The following INTU variants were observed in gnomAD, a reference collection of about 807,000 sequenced individuals.
INTU encodes the protein protein inturned.
Under a neutral mutation model 100.5 loss-of-function variants are expected in INTU, and 68 were observed. The observed-to-expected ratio is 0.68, with a 90% CI of 0.56 to 0.83. The LOEUF is 0.83. INTU is among the 40% of genes least tolerant of loss of function. The pLI is 0.00. For synonymous variants in INTU, 357 were observed against 395.7 expected, an observed-to-expected ratio of 0.90 and a Z score of 1.16; for missense variants, 1,071 against 1,114.7, an observed-to-expected ratio of 0.96 and a Z score of 0.56.
At chr4:127,655,534 CG>C (rs1374289972) in intron 2 of INTU, among the ~76,000 whole-genome samples, 1 of 151,520 alleles carries the variant, frequency 6.6e-6, no homozygotes, top group Non-Finnish European at 1.5e-5. Flanking sequence ...TTAGGCTGCT[CG>C]GGGGTCAGGG....
chr4:127,675,522 C>T (rs1729134541), intron 6 of INTU, among the ~76,000 whole-genome samples: 1 of 152,106 alleles, frequency 6.6e-6, no homozygotes. Flanking sequence ...AAATAGTAAA[C>T]ATTTATTAAC....
At position 127,722,100 on chromosome 4, in the gene INTU, A is replaced by G. The variant is rs1731354104; in HGVS notation, c.*5664A>G. 2 of 151,948 alleles carry G rather than the reference A, an allele frequency of 1.3e-5. No homozygotes were observed. Among genetic ancestry groups the G allele is most frequent in the South Asian group, 2.1e-4 (1 of 4,816 alleles). 9.4% of individuals were successfully genotyped at this position (151,948 alleles called of 1,614,324 possible). The stretch of plus-strand genomic sequence containing the variant: ...CTTTCTCATCTTCATGGGTTTATCT[A>G]CCTTTGATCTTTGAGTCTGCTGACT... On this transcript the variant is annotated 3_prime_UTR_variant, in exon 16 of 16. Transcript: ENST00000335251.
At chr4:127,683,004 C>T (rs17012567) in intron 6 of INTU, among the ~76,000 whole-genome samples, 5,732 of 152,174 alleles carry the variant, frequency 0.038, 369 homozygotes, top group African/African-American at 0.13. Flanking sequence ...CAACCACACT[C>T]TGATGACACC....
chr4:127,685,238 A>G (rs894782716), intron 7 of INTU, among the ~76,000 whole-genome samples: 2 of 152,052 alleles, frequency 1.3e-5, no homozygotes, highest in Non-Finnish European at 2.9e-5. Flanking sequence ...AACATTTAAC[A>G]TAAAATTGGG....
chr4:127,684,078 C>T (rs1729705707), intron 6 of INTU, among the ~76,000 whole-genome samples: 2 of 152,116 alleles, frequency 1.3e-5, no homozygotes, highest in South Asian at 4.2e-4. Flanking sequence ...AGTTTATTTG[C>T]ATTAATTTCA....
At chr4:127,668,970 G>A in intron 4 of INTU, 66 bp from the exon 5 acceptor site, 1 of 684,612 alleles carries the variant, frequency 1.5e-6, no homozygotes, top group Non-Finnish European at 2.5e-6. Context: ...CACAAAGTTT[G>A]AACTTGCCCT....
chr4:127,678,823 C>T (rs1166278390), intron 6 of INTU, among the ~76,000 whole-genome samples: 1 of 152,060 alleles, frequency 6.6e-6, no homozygotes, highest in Non-Finnish European at 1.5e-5. Flanking sequence ...GATAAAGAGT[C>T]AAGACCCATC....
chr4:127,693,105 G>A (rs1460121171), intron 8 of INTU, among the ~76,000 whole-genome samples: 5 of 151,952 alleles, frequency 3.3e-5, no homozygotes. Context: ...GGTTTTTCTA[G>A]TTATGTGAAG....
At chr4:127,714,807 C>T (rs1170385256) in intron 15 of INTU, among the ~76,000 whole-genome samples, 2 of 151,982 alleles carry the variant, frequency 1.3e-5, no homozygotes, top group Non-Finnish European at 1.5e-5. Context: ...CTGGCACCTG[C>T]AACAGTACCT....
intron 4 of INTU, among the ~76,000 whole-genome samples, chr4:127,667,949 G>A (rs1449095749): frequency 6.6e-6 from 1 of 151,904 alleles, no homozygotes; most frequent in African/African-American, 2.4e-5. Context: ...ATTGTATAGC[G>A]AGACCGCAGC....
In INTU at chr4:127,726,062, A is replaced by G. The variant is rs1731412533; in HGVS notation, c.*9626A>G. On this transcript the variant is annotated 3_prime_UTR_variant, in exon 16 of 16. Coordinates refer to ENST00000335251, the MANE Select transcript of INTU (RefSeq NM_015693.4). ...AACAACTATTAATGTGAAAAACTAT[A>G]TATAGCTAGCATTTTTTAAAATATC... 6.6e-6 allele frequency: 1 copy of G among 152,208 alleles called. No individual in the cohort carries two copies. Among genetic ancestry groups the G allele is most frequent in the East Asian group, 1.9e-4 (1 of 5,204 alleles). The allele number at this position is 152,208 out of a possible 1,614,324, so 9.4% of individuals were successfully genotyped here.
chr4:127,712,895 A>C (rs928771126), intron 14 of INTU, among the ~76,000 whole-genome samples: 25 of 152,206 alleles, frequency 1.6e-4, no homozygotes, highest in African/African-American at 5.8e-4. Flanking sequence ...CAAGGGATCT[A>C]GGTTGCCCAC....
chr4:127,712,128 G>T (rs1038625342), intron 14 of INTU, among the ~76,000 whole-genome samples: 1 of 152,098 alleles, frequency 6.6e-6, no homozygotes, highest in African/African-American at 2.4e-5. Context: ...GAAGAACTTG[G>T]GTTTAAAAGT....
Position 127,724,999 on chromosome 4 carries a change from C to A in INTU, c.*8563C>A, listed in dbSNP as rs1490974561. On this transcript the variant is annotated 3_prime_UTR_variant, in exon 16 of 16. Transcript: ENST00000335251. ...GTTCTTGAAATGCTACAGAAAATAGCTTGAGGCCAGGCACAGTTGCTCACA... is the reference window on the plus strand; with the variant it reads ...GTTCTTGAAATGCTACAGAAAATAGATTGAGGCCAGGCACAGTTGCTCACA... 2.6e-5 allele frequency: 4 copies of A among 151,850 alleles called. No individual in the cohort carries two copies. The highest frequency in any genetic ancestry group is 9.7e-5 in the African/African-American group (4 of 41,310). The allele number at this position is 151,850 out of a possible 1,614,324, so 9.4% of individuals were successfully genotyped here. A position where few individuals can be genotyped will look rare whatever the true frequency, so the allele number is the denominator to read the frequency against.
In INTU at chr4:127,687,703, C is replaced by G. The variant is rs780133193; in HGVS notation, c.1285C>G (p.Pro429Ala). The G allele has an allele frequency of 1.2e-6, 2 of 1,612,002 alleles. No homozygotes were observed. The highest frequency in any genetic ancestry group is 1.7e-6 in the Non-Finnish European group (2 of 1,178,536). ...DSAFCQIENV[P>A]RLDHFFNLFF... ...TGCCTTTTGCCAGATTGAGAATGTT[C>G]CTCGTTTGGATCATTTTTTTAACTT... The change falls in exon 8 of 16, where the codon CCT (proline) becomes GCT (alanine). Residue 429 changes from proline to alanine, a missense_variant. Transcript: ENST00000335251.
chr4:127,677,932 G>A (rs1244275596), intron 6 of INTU, among the ~76,000 whole-genome samples: 1 of 152,216 alleles, frequency 6.6e-6, no homozygotes, highest in Non-Finnish European at 1.5e-5. Context: ...GAAAGCCAAG[G>A]CTCGAGAACT....
intron 11 of INTU, 24 bp from the exon 12 acceptor site, chr4:127,706,463 C>T (rs1730881277): frequency 6.4e-7 from 1 of 1,571,158 alleles, no homozygotes; most frequent in Non-Finnish European, 8.6e-7. Context: ...GCTAAACCTA[C>T]ATTTGTAATT....
At chr4:127,692,618 G>A (rs918825325) in intron 8 of INTU, among the ~76,000 whole-genome samples, 6 of 152,100 alleles carry the variant, frequency 3.9e-5, no homozygotes, top group African/African-American at 1.4e-4. Context: ...CTTTGTTTTT[G>A]TTGCATTTGC....
chr4:127,684,546 G>A, intron 7 of INTU, 60 bp downstream of exon 7: 1 of 982,576 alleles, frequency 1.0e-6, no homozygotes, highest in Admixed American at 2.2e-5. Context: ...GTCATCTTCT[G>A]CATTTAAGAC....
Sources: allele counts gnomAD v4.1 joint callset (sites outside exome capture counted in the v4.1 genomes callset), GRCh38; gene constraint gnomAD v4.1.1; transcripts MANE v1.5; gene names NCBI Gene and HGNC (gene_info 2026-07-23, HGNC 2026-07-21).